SLC30A10: variants seen among roughly 807,000 people sequenced by gnomAD.
SLC30A10 encodes solute carrier family 30 member 10, also known as calcium/manganese antiporter SLC30A10.
SLC30A10 carries 8 observed loss-of-function variants against 21.7 expected under a neutral mutation model. The observed-to-expected ratio is 0.37, with a 90% CI of 0.22 to 0.67. SLC30A10 has a LOEUF of 0.67. Among genes scored for constraint, SLC30A10 ranks in the 30% least tolerant of loss-of-function variants. The pLI is 0.58. For synonymous variants in SLC30A10, 272 were observed against 279.4 expected, an observed-to-expected ratio of 0.97 and a Z score of 0.26; for missense variants, 521 against 642.5, an observed-to-expected ratio of 0.81 and a Z score of 2.04.
intron 2 of SLC30A10, among the ~76,000 whole-genome samples, chr1:219,922,864 G>A (rs1453047212): frequency 2.0e-5 from 3 of 152,134 alleles, no homozygotes; most frequent in East Asian, 1.9e-4. Context: ...TATAGATGAC[G>A]GGACTGAACA....
intron 2 of SLC30A10, among the ~76,000 whole-genome samples, chr1:219,925,249 G>A (rs1659785293): frequency 6.6e-6 from 1 of 152,150 alleles, no homozygotes; most frequent in African/African-American, 2.4e-5. Context: ...AATGAGGATA[G>A]TTGGCCGGGT....
At chr1:219,919,583 C>T (rs1345431207) in intron 2 of SLC30A10, among the ~76,000 whole-genome samples, 2 of 151,718 alleles carry the variant, frequency 1.3e-5, no homozygotes, top group Non-Finnish European at 2.9e-5. Context: ...CAAGACCAGC[C>T]TGGCCAATAT....
chr1:219,925,167 A>G (rs1571798897), intron 2 of SLC30A10, among the ~76,000 whole-genome samples: 1 of 152,182 alleles, frequency 6.6e-6, no homozygotes, highest in African/African-American at 2.4e-5. Flanking sequence ...CACTATAACT[A>G]TGAGGGCCTA....
intron 1 of SLC30A10, 123 bp downstream of exon 1, chr1:219,927,673 AACAAC>A (rs1659869900): frequency 3.0e-5 from 17 of 570,256 alleles, no homozygotes; most frequent in Middle Eastern, 4.2e-4. Context: ...AAAAAACAAC[AACAAC>A]AAAAAAAAAA....
At chr1:219,939,213 A>G (rs1406782961) in intron 1 of SLC30A10, among the ~76,000 whole-genome samples, 1 of 152,190 alleles carries the variant, frequency 6.6e-6, no homozygotes, top group Non-Finnish European at 1.5e-5. Flanking sequence ...TAAATCTTTC[A>G]GAAGCAGGAA....
intron 1 of SLC30A10, among the ~76,000 whole-genome samples, chr1:219,950,572 G>A (rs1660253733): frequency 6.6e-6 from 1 of 151,880 alleles, no homozygotes; most frequent in Non-Finnish European, 1.5e-5. Context: ...CCGGGAGGCA[G>A]AGTTTACAGT....
intron 1 of SLC30A10, among the ~76,000 whole-genome samples, chr1:219,940,540 C>T (rs116239822): frequency 6.6e-6 from 1 of 152,116 alleles, no homozygotes; most frequent in Non-Finnish European, 1.5e-5. Context: ...GAAGGGAGAA[C>T]CACCATGTGA....
intron 1 of SLC30A10, among the ~76,000 whole-genome samples, chr1:219,949,076 T>C (rs1005258521): frequency 6.6e-6 from 1 of 152,012 alleles, no homozygotes; most frequent in Admixed American, 6.6e-5. Context: ...CTCACACCAG[T>C]TAGAATGGCA....
upstream of SLC30A10, among the ~76,000 whole-genome samples, chr1:219,931,300 G>A (rs922012844): frequency 6.6e-6 from 1 of 152,200 alleles, no homozygotes; most frequent in African/African-American, 2.4e-5. Flanking sequence ...CAGTGGCTGA[G>A]GAAGCTGGAG....
rs1431950426 is a variant in SLC30A10, at chr1:219,934,280, TC to T, written n.81-7176del. Among the ~76,000 whole-genome samples the T allele has an allele frequency of 3.3e-5, 5 of 151,016 alleles. No homozygotes were observed. In the East Asian group the frequency reaches 7.8e-4, roughly 24 times the overall value. ...TCTAGCCTGGGCAACAGAGCAAAAC[TC>T]CGTCTCACACACACAAAAAAATACC... On this transcript the variant is annotated intron_variant and non_coding_transcript_variant, in intron 1 of 8. Coordinates refer to the SLC30A10 transcript ENST00000484239.
chr1:219,915,628 C>T lies in SLC30A10; in HGVS notation c.1279G>A (p.Gly427Ser). 1 of 1,614,250 alleles carries T rather than the reference C, an allele frequency of 6.2e-7. No homozygotes were observed. The highest frequency in any genetic ancestry group is 1.1e-5 in the South Asian group (1 of 91,082). ...PGALPLAHVN[G>S]CAEHNGGPSL... ...GGCCCACCATTGTGCTCAGCACAGC[C>T]ATTGACGTGAGCCAGAGGCAGTGCC... is the stretch of plus-strand genomic sequence containing the variant. The change falls in exon 4 of 4, where the codon GGC becomes AGC. Residue 427 changes from glycine (G) to serine (S), a missense_variant. Physicochemically the swap from Gly to Ser is moderately conservative, Grantham distance 56 (BLOSUM62 0). Coordinates refer to ENST00000366926, the MANE Select transcript of SLC30A10 (RefSeq NM_018713.3).
chr1:219,916,032 G>A, intron 3 of SLC30A10, 84 bp from the exon 4 acceptor site: 1 of 1,508,954 alleles, frequency 6.6e-7, no homozygotes, highest in Non-Finnish European at 8.8e-7. Flanking sequence ...GTTCCGTTAA[G>A]CATTCTCACC....
At chr1:219,949,097 A>G (rs1210501629) in intron 1 of SLC30A10, among the ~76,000 whole-genome samples, 3 of 152,198 alleles carry the variant, frequency 2.0e-5, no homozygotes, top group Non-Finnish European at 4.4e-5. Flanking sequence ...ATCATTAAAA[A>G]GTCAGGAAAC....
At chr1:219,919,214 C>T (rs1659617587) in intron 2 of SLC30A10, among the ~76,000 whole-genome samples, 1 of 152,092 alleles carries the variant, frequency 6.6e-6, no homozygotes, top group African/African-American at 2.4e-5. Flanking sequence ...GATTTGAGTG[C>T]CCAATTGTTA....
Position 219,914,300 on chromosome 1 carries a change from T to G in SLC30A10, c.*1149A>C, listed in dbSNP as rs1659480732. ...TGGGTCTGAATCCGATTATAAAAAT[T>G]TTATTTGAACTTGGTAATATGGATC... On this transcript the variant is annotated 3_prime_UTR_variant, in exon 4 of 4. Transcript: ENST00000366926. The G allele has an allele frequency of 6.6e-6, 1 of 150,860 alleles. No individual in the cohort carries two copies. The highest frequency in any genetic ancestry group is 6.7e-5 in the Admixed American group (1 of 14,988). 9.3% of individuals were successfully genotyped at this position (150,860 alleles called of 1,614,324 possible).
At chr1:219,948,757 C>G (rs1170362491) in intron 1 of SLC30A10, among the ~76,000 whole-genome samples, 3 of 152,024 alleles carry the variant, frequency 2.0e-5, no homozygotes, top group Non-Finnish European at 1.5e-5. Flanking sequence ...CCAAAATTGA[C>G]AAATGGGATC....
At chr1:219,951,059 C>G (rs1195862058) in intron 1 of SLC30A10, among the ~76,000 whole-genome samples, 1 of 152,176 alleles carries the variant, frequency 6.6e-6, no homozygotes, top group African/African-American at 2.4e-5. Context: ...TCCTCAGGCT[C>G]AGGTGATCCT....
At chr1:219,916,046 A>G in intron 3 of SLC30A10, 98 bp from the exon 4 acceptor site, 1 of 1,454,338 alleles carries the variant, frequency 6.9e-7, no homozygotes. Context: ...TCTCACCAAA[A>G]TGGCTGCCTA....
intron 1 of SLC30A10, among the ~76,000 whole-genome samples, chr1:219,952,987 C>T (rs1019520149): frequency 2.6e-5 from 4 of 152,140 alleles, no homozygotes; most frequent in Admixed American, 1.3e-4. Flanking sequence ...CTGTCAGGAA[C>T]GTAGCAAAAG....
Sources: gnomAD v4.1 joint callset for allele counts (sites outside exome capture counted in the v4.1 genomes callset) on GRCh38, gnomAD v4.1.1 for gene constraint, MANE v1.5 for transcripts, NCBI Gene and HGNC (gene_info 2026-07-23, HGNC 2026-07-21) for gene names.